Variants in IGSF21 observed in about 807,000 individuals in gnomAD.
IGSF21 encodes the protein immunoglobin superfamily member 21, also known as immunoglobulin superfamily member 21.
Under a neutral mutation model 46.8 loss-of-function variants are expected in IGSF21, and 28 were observed. The observed-to-expected ratio is 0.60, with a 90% confidence interval of 0.44 to 0.82. The LOEUF (loss-of-function observed/expected upper bound fraction) is 0.82. Among genes scored for constraint, IGSF21 ranks in the 40% least tolerant of loss-of-function variants. The pLI is 0.00. For missense variants in IGSF21, 624 were observed against 665.5 expected (o/e 0.94, Z 0.69); for synonymous variants, 284 against 273.6 (o/e 1.04, Z -0.38).
intron 3 of IGSF21, among the ~76,000 whole-genome samples, chr1:18,321,512 T>C (rs2085600923): frequency 6.6e-6 from 1 of 152,120 alleles, no homozygotes; most frequent in Admixed American, 6.5e-5. Context: ...TTATGAACAA[T>C]AGACATTCAT....
chr1:18,140,829 G>A (rs1238082644), intron 1 of IGSF21, among the ~76,000 whole-genome samples: 6 of 152,106 alleles, frequency 3.9e-5, no homozygotes, highest in Middle Eastern at 3.2e-3. Context: ...CATCCTCTGC[G>A]GGCTGCCCCT....
chr1:18,283,249 C>T (rs1483734272), intron 2 of IGSF21, among the ~76,000 whole-genome samples: 1 of 152,190 alleles, frequency 6.6e-6, no homozygotes, highest in East Asian at 1.9e-4. Context: ...ACCGGATCTC[C>T]CACACACACC....
intron 2 of IGSF21, among the ~76,000 whole-genome samples, chr1:18,251,489 T>A (rs1172557080): frequency 6.6e-6 from 1 of 152,210 alleles, no homozygotes; most frequent in Non-Finnish European, 1.5e-5. Context: ...TTTTGTCTTG[T>A]AGTTCCATCC....
chr1:18,180,819 G>A (rs2124468526), intron 1 of IGSF21, among the ~76,000 whole-genome samples: 1 of 152,324 alleles, frequency 6.6e-6, no homozygotes, highest in South Asian at 2.1e-4. Context: ...CCACTTCACA[G>A]ATGCAGAAAC....
intron 1 of IGSF21, among the ~76,000 whole-genome samples, chr1:18,149,704 G>T (rs1470207274): frequency 2.0e-5 from 3 of 151,956 alleles, no homozygotes; most frequent in Non-Finnish European, 4.4e-5. Flanking sequence ...TTCGGGGCAG[G>T]ATCAGCCTGG....
At chr1:18,347,175 T>G (rs79665663) in intron 4 of IGSF21, among the ~76,000 whole-genome samples, 6,661 of 142,616 alleles carry the variant, frequency 0.047, 296 homozygotes, top group African/African-American at 0.12. Flanking sequence ...CCTCCCTCCC[T>G]CTCTGAACAC....
intron 2 of IGSF21, among the ~76,000 whole-genome samples, chr1:18,267,092 A>T (rs2084996922): frequency 6.6e-6 from 1 of 152,188 alleles, no homozygotes; most frequent in South Asian, 2.1e-4. Context: ...TATGTATGTA[A>T]CTCAGGCTCA....
In IGSF21 at chr1:18,359,336, GAAAAAGAA is replaced by G. The variant is rs1342841134; in HGVS notation, c.425-2777_425-2770del. Among the ~76,000 whole-genome samples the G allele has an allele frequency of 1.1e-3, 50 of 44,964 alleles. 2 individuals carry two copies. Among genetic ancestry groups the G allele is most frequent in the East Asian group, 3.2e-3 (5 of 1,582 alleles). 29.5% of individuals were successfully genotyped at this position (44,964 alleles called of 152,430 possible). A position where few individuals can be genotyped will look rare whatever the true frequency, so the allele number is the denominator to read the frequency against. ...AGAAAGAGAGAGAGAGAAAGAGAAA[GAAAAAGAA>G]AGAAAGAAAGAAAGAAAGAAAGAAA... On this transcript the variant is annotated intron_variant, in intron 4 of 9. Coordinates refer to ENST00000251296, the MANE Select transcript of IGSF21 (RefSeq NM_032880.5).
At chr1:18,326,181 G>C (rs184106097) in intron 3 of IGSF21, among the ~76,000 whole-genome samples, 2 of 152,334 alleles carry the variant, frequency 1.3e-5, no homozygotes, top group African/African-American at 4.8e-5. Flanking sequence ...GGTGGAGCAG[G>C]CATTCTGCAA....
intron 4 of IGSF21, among the ~76,000 whole-genome samples, chr1:18,349,441 A>C (rs2085927709): frequency 6.6e-6 from 1 of 152,168 alleles, no homozygotes; most frequent in African/African-American, 2.4e-5. Context: ...GGAAGGCTTC[A>C]TGGAGGAGGT....
intron 2 of IGSF21, among the ~76,000 whole-genome samples, chr1:18,282,948 C>T (rs2085176707): frequency 2.0e-5 from 3 of 152,218 alleles, no homozygotes; most frequent in Non-Finnish European, 4.4e-5. Context: ...GTACAGTCAT[C>T]CCTACGGATG....
At chr1:18,298,812 C>T (rs1018686719) in intron 3 of IGSF21, among the ~76,000 whole-genome samples, 8 of 152,218 alleles carry the variant, frequency 5.3e-5, no homozygotes, top group Non-Finnish European at 1.2e-4. Context: ...CCTGCCTCTT[C>T]GGAGCTTACA....
intron 3 of IGSF21, among the ~76,000 whole-genome samples, chr1:18,292,931 G>T (rs1202595936): frequency 1.3e-5 from 2 of 152,226 alleles, no homozygotes; most frequent in Non-Finnish European, 2.9e-5. Flanking sequence ...TTTGCCAGGT[G>T]CCCAGCCTGA....
intron 4 of IGSF21, among the ~76,000 whole-genome samples, chr1:18,348,336 A>T (rs1459640982): frequency 6.6e-6 from 1 of 151,946 alleles, no homozygotes; most frequent in Non-Finnish European, 1.5e-5. Flanking sequence ...GCCCTCACCA[A>T]CTCCCTGGAC....
At chr1:18,305,389 G>A (rs1026758526) in intron 3 of IGSF21, among the ~76,000 whole-genome samples, 1 of 151,280 alleles carries the variant, frequency 6.6e-6, no homozygotes, top group African/African-American at 2.4e-5. Flanking sequence ...ATGCATGGAT[G>A]GATGGATGGA....
At chr1:18,112,137 T>C (rs923196573) in intron 1 of IGSF21, 15 of 152,340 alleles carry the variant, frequency 9.8e-5, no homozygotes, top group African/African-American at 3.6e-4. Context: ...TTAGTTCTAT[T>C]AACTGGGTTT....
intron 8 of IGSF21, 23 bp downstream of exon 8, chr1:18,377,015 C>T (rs761920146): frequency 1.3e-4 from 207 of 1,572,316 alleles, no homozygotes; most frequent in Middle Eastern, 1.7e-4. Context: ...CAACTGGGGA[C>T]TGGGAGAACA....
intron 1 of IGSF21, chr1:18,113,439 G>C (rs186799341): frequency 6.6e-6 from 1 of 152,294 alleles, no homozygotes; most frequent in African/African-American, 2.4e-5. Context: ...GAGCAGGAGA[G>C]ACAGGTCGTG....
chr1:18,248,253 T>C (rs1452042903), intron 2 of IGSF21, among the ~76,000 whole-genome samples: 1 of 152,226 alleles, frequency 6.6e-6, no homozygotes, highest in Non-Finnish European at 1.5e-5. Flanking sequence ...GGAGCCTGGC[T>C]GATGCTGGCT....
Sources: allele counts gnomAD v4.1 joint callset (sites outside exome capture counted in the v4.1 genomes callset), GRCh38; gene constraint gnomAD v4.1.1; transcripts MANE v1.5; gene names NCBI Gene and HGNC (gene_info 2026-07-23, HGNC 2026-07-21).